MAGI2: variants seen among roughly 807,000 people sequenced by gnomAD.
The protein encoded by MAGI2 is membrane associated guanylate kinase, WW and PDZ domain containing 2, also known as membrane-associated guanylate kinase, WW and PDZ domain-containing protein 2.
Under a neutral mutation model 133.3 loss-of-function variants are expected in MAGI2, and 35 were observed. That is an observed-to-expected ratio of 0.26 (90% confidence interval 0.20 to 0.35). The LOEUF (loss-of-function observed/expected upper bound fraction) is 0.35, where lower values mean the gene tolerates loss of function less well. MAGI2 is among the 10% of genes least tolerant of loss of function. MAGI2 has a pLI of 1.00. For missense variants in MAGI2, 1,636 were observed against 1,863.4 expected (o/e 0.88, Z 2.25); for synonymous variants, 729 against 710.6 (o/e 1.03, Z -0.41).
chr7:78,808,038 T>C (rs37884), intron 2 of MAGI2, among the ~76,000 whole-genome samples: 133,023 of 152,128 alleles, frequency 0.87, 58,393 homozygotes, highest in East Asian at 1. Flanking sequence ...GGCACATAGT[T>C]TCGGGTCTTG....
At chr7:79,382,961 A>T (rs1015639) in intron 1 of MAGI2, among the ~76,000 whole-genome samples, 28,530 of 151,560 alleles carry the variant, frequency 0.19, 3,157 homozygotes, top group African/African-American at 0.3. Context: ...CAACAATAGC[A>T]ATATAAAATA....
intron 2 of MAGI2, among the ~76,000 whole-genome samples, chr7:78,808,613 A>C (rs2151401492): frequency 6.6e-6 from 1 of 152,342 alleles, no homozygotes; most frequent in African/African-American, 2.4e-5. Flanking sequence ...GATAAGCAAA[A>C]ACAAAGGAAC....
At chr7:78,185,922 G>A (rs1353774930) in intron 12 of MAGI2, among the ~76,000 whole-genome samples, 3 of 151,956 alleles carry the variant, frequency 2.0e-5, no homozygotes, top group Admixed American at 2.0e-4. Flanking sequence ...AGATCAGGGT[G>A]GAATAAGATT....
chr7:78,574,841 A>G (rs1447679623), intron 3 of MAGI2, among the ~76,000 whole-genome samples: 1 of 152,244 alleles, frequency 6.6e-6, no homozygotes, highest in East Asian at 1.9e-4. Flanking sequence ...GATGACGGTG[A>G]ATAACTGTTT....
chr7:79,252,339 A>T (rs547744308), intron 1 of MAGI2, among the ~76,000 whole-genome samples: 3 of 150,736 alleles, frequency 2.0e-5, no homozygotes, highest in African/African-American at 7.2e-5. Flanking sequence ...ACAAACAAAG[A>T]AAACAAACAA....
chr7:78,195,428 G>GA (rs1193041865), intron 11 of MAGI2, among the ~76,000 whole-genome samples: 11 of 152,190 alleles, frequency 7.2e-5, no homozygotes, highest in Non-Finnish European at 1.3e-4. Context: ...TATGGTATTA[G>GA]TTGTTCCTTT....
At chr7:79,184,584 A>C (rs946866585) in intron 1 of MAGI2, among the ~76,000 whole-genome samples, 2 of 151,772 alleles carry the variant, frequency 1.3e-5, no homozygotes, top group African/African-American at 4.8e-5. Context: ...AAAAAGGCAT[A>C]AATGTAGATA....
chr7:78,609,749 T>G (rs1806237470), intron 3 of MAGI2, among the ~76,000 whole-genome samples: 1 of 152,170 alleles, frequency 6.6e-6, no homozygotes, highest in Admixed American at 6.5e-5. Flanking sequence ...AAGGTAATAC[T>G]AAGAGACACC....
At position 79,049,837 on chromosome 7, in the gene MAGI2, G is replaced by A. The variant is rs186711086; in HGVS notation, c.302-42631C>T. Among the ~76,000 whole-genome samples the A allele has an allele frequency of 2.5e-3, 374 of 149,152 alleles. 1 individual carries two copies. The highest frequency in any genetic ancestry group is 8.9e-3 in the African/African-American group (361 of 40,348). On this transcript the variant is annotated intron_variant, in intron 1 of 21. Transcript: ENST00000354212. The stretch of plus-strand genomic sequence containing the variant: ...AATTGCTAAAAGATTTTCTAAAATC[G>A]GCCTTGTTATTTTTATGTTTTTTTA...
chr7:78,707,447 C>T (rs1183279933), intron 2 of MAGI2, among the ~76,000 whole-genome samples: 1 of 152,102 alleles, frequency 6.6e-6, no homozygotes, highest in Non-Finnish European at 1.5e-5. Flanking sequence ...TAAAACATTG[C>T]TAAGTTGTGC....
rs1834259507 is a variant in MAGI2, at chr7:79,263,945, C to T, written c.301+189075G>A. 2.0e-5 allele frequency among the ~76,000 whole-genome samples: 3 copies of T among 152,032 alleles called. No homozygotes were observed. The South Asian group carries it at 6.2e-4, about 32-fold the overall frequency. Reference sequence around the variant, plus strand: ...TGTGAGAGTATTTTTAGTATGGAGACCCTGATCCCCAATCTCAAACAAAAT... The same window carrying T: ...TGTGAGAGTATTTTTAGTATGGAGATCCTGATCCCCAATCTCAAACAAAAT... On this transcript the variant is annotated intron_variant, in intron 1 of 21. Coordinates refer to ENST00000354212, the MANE Select transcript of MAGI2 (RefSeq NM_012301.4).
At chr7:78,133,880 G>C (rs1172301846) in intron 17 of MAGI2, among the ~76,000 whole-genome samples, 1 of 152,052 alleles carries the variant, frequency 6.6e-6, no homozygotes, top group Non-Finnish European at 1.5e-5. Flanking sequence ...AAAGGGAGGT[G>C]ATCTATTAGC....
intron 2 of MAGI2, among the ~76,000 whole-genome samples, chr7:78,757,740 A>G (rs1317890760): frequency 2.0e-5 from 3 of 151,996 alleles, no homozygotes; most frequent in Non-Finnish European, 2.9e-5. Context: ...TCTCTTTTGC[A>G]TATTCCTTCT....
chr7:78,065,975 C>A (rs1233010926), intron 21 of MAGI2, among the ~76,000 whole-genome samples: 2 of 152,084 alleles, frequency 1.3e-5, no homozygotes, highest in Non-Finnish European at 2.9e-5. Flanking sequence ...TATGTAAATT[C>A]TTGTAGGCTT....
chr7:78,982,317 C>CATCTATCTAAGCTTCAGTTTATTCATGAT (rs1199325299), intron 2 of MAGI2, among the ~76,000 whole-genome samples: 1 of 151,880 alleles, frequency 6.6e-6, no homozygotes, highest in African/African-American at 2.4e-5. Flanking sequence ...ACAAATTCTT[C>CATCTATCTAAGCTTCAGTTTATTCATGAT]ATCTATCTAA....
rs1454288647 is a variant in MAGI2 at position 78,129,742 on chromosome 7, C to G, written c.3204-2326G>C. The stretch of plus-strand genomic sequence containing the variant: ...GGTGGATCACCTGAGGTCGGGAGTT[C>G]GAGACTAACATGGAGAAACCCCGTC... On this transcript the variant is annotated intron_variant, in intron 18 of 21. Transcript: ENST00000354212. Among the ~76,000 whole-genome samples the G allele has an allele frequency of 1.3e-5, 2 of 151,766 alleles. 1 individual carries two copies. The highest frequency in any genetic ancestry group is 4.2e-4 in the South Asian group (2 of 4,806).
intron 3 of MAGI2, among the ~76,000 whole-genome samples, chr7:78,624,684 C>G (rs776418860): frequency 6.3e-5 from 9 of 142,804 alleles, no homozygotes; most frequent in Non-Finnish European, 1.2e-4. Flanking sequence ...GAAAGAACAG[C>G]TAATGGATGC....
At chr7:78,657,534 A>G (rs1296031644) in intron 2 of MAGI2, among the ~76,000 whole-genome samples, 2 of 152,240 alleles carry the variant, frequency 1.3e-5, no homozygotes, top group African/African-American at 4.8e-5. Context: ...TTAAATGCAC[A>G]TTACTAAGTG....
intron 1 of MAGI2, among the ~76,000 whole-genome samples, chr7:79,358,340 A>G (rs1842160678): frequency 1.3e-5 from 2 of 152,272 alleles, no homozygotes; most frequent in African/African-American, 4.8e-5. Flanking sequence ...TAATCTTTCA[A>G]CATCAGTTTT....
Sources: allele counts gnomAD v4.1 joint callset (sites outside exome capture counted in the v4.1 genomes callset), GRCh38; gene constraint gnomAD v4.1.1; transcripts MANE v1.5; gene names NCBI Gene and HGNC (gene_info 2026-07-23, HGNC 2026-07-21).